Variants in PSD3 observed in about 807,000 individuals in gnomAD.
The protein encoded by PSD3 is PH and SEC7 domain-containing protein 3.
In PSD3, 49 loss-of-function variants were observed where a neutral mutation model predicts 105.5. The observed-to-expected ratio is 0.46, with a 90% CI of 0.37 to 0.59. PSD3 has a LOEUF of 0.59. Ranked by LOEUF, PSD3 falls within the 20% of genes least tolerant of loss-of-function variation. The pLI is 0.00. For synonymous variants in PSD3, 557 were observed against 457.8 expected, an observed-to-expected ratio of 1.22 and a Z score of -2.77; for missense variants, 1,561 against 1,263.8, an observed-to-expected ratio of 1.24 and a Z score of -3.57.
At chr8:18,752,463 T>G (rs1338311537) in intron 9 of PSD3, among the ~76,000 whole-genome samples, 4 of 102,798 alleles carry the variant, frequency 3.9e-5, no homozygotes, top group South Asian at 2.7e-4. Flanking sequence ...AATCCCTAAC[T>G]TTTCAAATAT....
At chr8:18,717,888 G>C (rs1194157378) in intron 9 of PSD3, among the ~76,000 whole-genome samples, 1 of 151,168 alleles carries the variant, frequency 6.6e-6, no homozygotes, top group African/African-American at 2.4e-5. Flanking sequence ...GGTGAGACTT[G>C]GTAAATAGAA....
At chr8:19,003,615 G>T (rs1052642909) in intron 1 of PSD3, among the ~76,000 whole-genome samples, 11 of 151,996 alleles carry the variant, frequency 7.2e-5, no homozygotes, top group Non-Finnish European at 1.2e-4. Context: ...AAGAAAATAT[G>T]AGCACATTTT....
At chr8:18,847,062 C>T (rs1004233673) in intron 4 of PSD3, among the ~76,000 whole-genome samples, 1 of 152,118 alleles carries the variant, frequency 6.6e-6, no homozygotes, top group Admixed American at 6.5e-5. Flanking sequence ...AAGAAATTCC[C>T]GATTTGGCCT....
At chr8:18,894,012 G>A (rs1818985355) in intron 2 of PSD3, among the ~76,000 whole-genome samples, 1 of 152,298 alleles carries the variant, frequency 6.6e-6, no homozygotes, top group African/African-American at 2.4e-5. Flanking sequence ...ACACACCGGT[G>A]CGGTGGCAAA....
At chr8:18,543,399 G>T (rs1331179393) in intron 15 of PSD3, among the ~76,000 whole-genome samples, 1 of 152,086 alleles carries the variant, frequency 6.6e-6, no homozygotes, top group Non-Finnish European at 1.5e-5. Context: ...CGGATCACGA[G>T]GTCAAGAGAT....
chr8:18,812,153 C>T (rs200387257), intron 4 of PSD3, among the ~76,000 whole-genome samples: 3 of 152,110 alleles, frequency 2.0e-5, no homozygotes, highest in African/African-American at 4.8e-5. Flanking sequence ...AAAGCTATGA[C>T]GTCAAAAGGA....
rs367849336 is a variant in PSD3, at chr8:18,775,158, T to C, written c.2083-9620A>G. Reference sequence around the variant, plus strand: ...ACTTCACTTAACATAATGACCTCTGTGTTCCATCCACATTGCTACCAATAA... The same window carrying C: ...ACTTCACTTAACATAATGACCTCTGCGTTCCATCCACATTGCTACCAATAA... On this transcript the variant is annotated intron_variant, in intron 8 of 15. Coordinates refer to ENST00000327040, the MANE Select transcript of PSD3 (RefSeq NM_015310.4). Among the ~76,000 whole-genome samples the C allele has an allele frequency of 1.1e-4, 17 of 152,302 alleles. No homozygotes were observed. The East Asian group carries it at 2.5e-3, about 23-fold the overall frequency.
chr8:18,856,929 T>C (rs1042041947), intron 4 of PSD3, among the ~76,000 whole-genome samples: 1 of 152,212 alleles, frequency 6.6e-6, no homozygotes, highest in Non-Finnish European at 1.5e-5. Flanking sequence ...TGCCAGTAAA[T>C]GACTTAGACA....
intron 1 of PSD3, among the ~76,000 whole-genome samples, chr8:19,066,552 A>T (rs1168282316): frequency 6.6e-6 from 1 of 152,152 alleles, no homozygotes; most frequent in East Asian, 1.9e-4. Context: ...CTCAGTCTTT[A>T]TCTCCAGACT....
Position 18,839,296 on chromosome 8 carries a change from T to G in PSD3, c.1634+28378A>C, listed in dbSNP as rs1586185270. ...AGTCCAAATTTTCTCCATCGAACTT[T>G]TAGACACAAACTCAGCTGAATGTTT... is the stretch of plus-strand genomic sequence containing the variant. On this transcript the variant is annotated intron_variant, in intron 4 of 15. Transcript: ENST00000327040. 5.9e-5 allele frequency among the ~76,000 whole-genome samples: 9 copies of G among 152,322 alleles called. 1 individual carries two copies. The South Asian group carries it at 1.9e-3, about 32-fold the overall frequency.
intron 9 of PSD3, among the ~76,000 whole-genome samples, chr8:18,742,733 A>C (rs1040359698): frequency 6.6e-6 from 1 of 152,204 alleles, no homozygotes; most frequent in African/African-American, 2.4e-5. Flanking sequence ...CTCTAATAAA[A>C]ATGTCAGGAA....
chr8:18,997,915 T>C (rs1196413427), intron 1 of PSD3, among the ~76,000 whole-genome samples: 1 of 152,038 alleles, frequency 6.6e-6, no homozygotes, highest in African/African-American at 2.4e-5. Context: ...ACTGTCAACA[T>C]ACTACACACA....
chr8:18,804,366 A>C, intron 6 of PSD3, 156 bp downstream of exon 6: 2 of 633,026 alleles, frequency 3.2e-6, no homozygotes, highest in Admixed American at 6.9e-5. Flanking sequence ...AAAATCCACA[A>C]CACTTATGGA....
At position 18,529,958 on chromosome 8, in the gene PSD3, G is replaced by C. The variant is rs927299721; in HGVS notation, c.*5785C>G. 2.0e-5 allele frequency: 3 copies of C among 152,236 alleles called. No homozygotes were observed. Among genetic ancestry groups the C allele is most frequent in the Non-Finnish European group, 4.4e-5 (3 of 68,018 alleles). 9.4% of individuals were successfully genotyped at this position (152,236 alleles called of 1,614,324 possible). A position where few individuals can be genotyped will look rare whatever the true frequency, so the allele number is the denominator to read the frequency against. ...GAAAAATGATATATTTGCAAAAATA[G>C]TTTGAGACTATAGAGTTAATTAACA... On this transcript the variant is annotated 3_prime_UTR_variant, in exon 16 of 16. Coordinates refer to ENST00000327040, the MANE Select transcript of PSD3 (RefSeq NM_015310.4).
intron 9 of PSD3, among the ~76,000 whole-genome samples, chr8:18,716,891 G>A (rs1341240645): frequency 6.6e-6 from 1 of 152,176 alleles, no homozygotes; most frequent in Admixed American, 6.5e-5. Context: ...ACATGTGTGA[G>A]CATGATCATC....
chr8:18,774,686 G>C (rs955169212), intron 8 of PSD3: 5 of 360,894 alleles, frequency 1.4e-5, no homozygotes, highest in Non-Finnish European at 2.2e-5. Flanking sequence ...CTGGGGGCTA[G>C]TATTTCTTGC....
intron 9 of PSD3, among the ~76,000 whole-genome samples, chr8:18,744,046 A>G (rs1804794886): frequency 6.6e-6 from 1 of 151,518 alleles, no homozygotes; most frequent in Non-Finnish European, 1.5e-5. Context: ...CACTATTAAC[A>G]CATTCATCTT....
At chr8:18,580,483 A>G (rs1251499999) in intron 12 of PSD3, among the ~76,000 whole-genome samples, 4 of 152,118 alleles carry the variant, frequency 2.6e-5, no homozygotes, top group African/African-American at 9.7e-5. Flanking sequence ...CTAGGAGGTC[A>G]AAGCTGCAGT....
At position 18,975,478 on chromosome 8, in the gene PSD3, T is replaced by C. The variant is rs374582871; in HGVS notation, c.21+38085A>G. ...GAGCGTTTGTAGCCGATTTCTGCCA[T>C]TTACAACTATGGAACTAGAGATAAG... On this transcript the variant is annotated intron_variant, in intron 1 of 15. Coordinates refer to ENST00000327040, the MANE Select transcript of PSD3 (RefSeq NM_015310.4). Among the ~76,000 whole-genome samples the C allele has an allele frequency of 4.1e-4, 62 of 152,302 alleles. No individual in the cohort carries two copies. The South Asian group carries it at 5.2e-3, about 13-fold the overall frequency.
Sources: gnomAD v4.1 joint callset for allele counts (sites outside exome capture counted in the v4.1 genomes callset) on GRCh38, gnomAD v4.1.1 for gene constraint, MANE v1.5 for transcripts, NCBI Gene and HGNC (gene_info 2026-07-23, HGNC 2026-07-21) for gene names.